Variants in PODNL1 observed in about 807,000 individuals in gnomAD.
The protein encoded by PODNL1 is podocan like 1.
In PODNL1, 50 loss-of-function variants were observed where a neutral mutation model predicts 45.1. The ratio of observed to expected loss-of-function variants is 1.11; its 90% CI spans 0.88 to 1.40. The LOEUF is 1.40. Among genes scored for constraint, PODNL1 ranks in the 40% most tolerant of loss-of-function variants. The pLI, the probability that PODNL1 is intolerant of heterozygous loss-of-function variation, is 0.00. For synonymous variants in PODNL1, 406 were observed against 372.5 expected (o/e 1.09, Z -1.04); for missense variants, 788 against 793.3 (o/e 0.99, Z 0.08).
chr19:13,938,637 T>A (rs990776637), upstream of PODNL1, among the ~76,000 whole-genome samples: 3 of 151,966 alleles, frequency 2.0e-5, no homozygotes, highest in African/African-American at 7.3e-5. Flanking sequence ...AGCGAGGGAT[T>A]AGGGAGGCCT....
In PODNL1 at chr19:13,937,838, G is replaced by A. The variant is rs1212956757; in HGVS notation, c.172C>T (p.Leu58Phe). ...VDTVDCDGLD[L>F]RVFPDNITRA... Reference sequence around the variant, plus strand: ...GTGATGTTGTCCGGGAACACTCGAAGGTCCAAGCCATCACAGTCCACAGTG... The same window carrying A: ...GTGATGTTGTCCGGGAACACTCGAAAGTCCAAGCCATCACAGTCCACAGTG... Residue 58 changes from leucine (L) to phenylalanine (F), a missense_variant, in exon 2 of 10, where the codon CTT becomes TTT. By Grantham distance (22) the Leu-to-Phe change is conservative. This residue lies in a region of PODNL1 where 762 missense variants were observed against 750.9 expected (regional missense o/e 1.01). Transcript: ENST00000588872. The A allele has an allele frequency of 1.3e-6, 2 of 1,596,804 alleles. No homozygotes were observed. Among genetic ancestry groups the A allele is most frequent in the Non-Finnish European group, 1.7e-6 (2 of 1,173,186 alleles).
At chr19:13,934,965 C>T (rs905255536) in intron 5 of PODNL1, among the ~76,000 whole-genome samples, 1 of 150,138 alleles carries the variant, frequency 6.7e-6, no homozygotes, top group African/African-American at 2.5e-5. Flanking sequence ...CATGTGTGTG[C>T]TTGTGTGTGC....
chr19:13,946,813 G>T (rs1231481347), intron 1 of PODNL1, among the ~76,000 whole-genome samples: 1 of 152,050 alleles, frequency 6.6e-6, no homozygotes, highest in Non-Finnish European at 1.5e-5. Context: ...AGCACTTTGG[G>T]AGGCCGAGGT....
Position 13,933,532 on chromosome 19 carries a change from G to A in PODNL1, c.768-77C>T. 1 of 1,405,032 alleles carries A rather than the reference G, an allele frequency of 7.1e-7. No individual in the cohort carries two copies. The highest frequency in any genetic ancestry group is 2.3e-5 in the East Asian group (1 of 43,058). The allele number at this position is 1,405,032 out of a possible 1,614,324, so 87.0% of individuals were successfully genotyped here. A position where few individuals can be genotyped will look rare whatever the true frequency, so the allele number is the denominator to read the frequency against. Reference sequence around the variant, plus strand: ...GACAGATTTTGGCGGGGAGGCTGGGGAGTGGTCCTGAGACAGATTTAAGCT... The same window carrying A: ...GACAGATTTTGGCGGGGAGGCTGGGAAGTGGTCCTGAGACAGATTTAAGCT... On this transcript the variant is annotated intron_variant, in intron 7 of 9. Coordinates refer to ENST00000588872, the MANE Select transcript of PODNL1 (RefSeq NM_001370095.3). The surrounding 1 kb of genome is among the most constrained non-coding windows in gnomAD (Gnocchi z 5.2).
chr19:13,946,442 A>AAT lies in PODNL1; in HGVS notation c.18+6676_18+6677insAT, dbSNP rs1972816971. On this transcript the variant is annotated intron_variant, in intron 1 of 7. Transcript: ENST00000538371. ...AAAACTCTGTCTTGGAAAAAAAAAA[A>AAT]AATTGAGTTTCTATCACTACTGCAT... Among the ~76,000 whole-genome samples, 5 of 151,732 alleles carry AAT rather than the reference A, an allele frequency of 3.3e-5. 1 individual carries two copies. The South Asian group carries it at 1.0e-3, about 32-fold the overall frequency.
intron 1 of PODNL1, among the ~76,000 whole-genome samples, chr19:13,945,793 G>T (rs1972796091): frequency 6.6e-6 from 1 of 151,582 alleles, no homozygotes; most frequent in South Asian, 2.1e-4. Context: ...TGTTGTAGAG[G>T]CAGGAGAATC....
intron 8 of PODNL1, 160 bp downstream of exon 8, chr19:13,932,638 G>C: frequency 6.5e-7 from 1 of 1,532,400 alleles, no homozygotes; most frequent in South Asian, 1.3e-5. Context: ...TTACAGGCAT[G>C]AGCCACCTCA....
chr19:13,938,340 G>A lies in PODNL1; in HGVS notation c.-159C>T. 2 of 1,425,258 alleles carry A rather than the reference G, an allele frequency of 1.4e-6. No homozygotes were observed. The highest frequency in any genetic ancestry group is 1.8e-6 in the Non-Finnish European group (2 of 1,087,760). 88.3% of individuals were successfully genotyped at this position (1,425,258 alleles called of 1,614,324 possible). On this transcript the variant is annotated 5_prime_UTR_variant, in exon 1 of 10. Transcript: ENST00000588872. ...ACAGCCTGTTCTCCCGGGGCTTTGG[G>A]GGAGCTGGCCCACCCCCTTCCCCGC...
Position 13,934,272 on chromosome 19 carries a change from G to A in PODNL1, c.633C>T (p.Leu211=), listed in dbSNP as rs753390515. 13 of 1,517,802 alleles carry A rather than the reference G, an allele frequency of 8.6e-6. No individual in the cohort carries two copies. The highest frequency in any genetic ancestry group is 1.1e-5 in the Non-Finnish European group (12 of 1,135,200). 94.0% of individuals were successfully genotyped at this position (1,517,802 alleles called of 1,614,324 possible). ...GGGCTACCTGCAGGTGGAGCCGCTCGAGTGAGGGCGGCAGGCTGGGCGGCA... is the reference window on the plus strand; with the variant it reads ...GGGCTACCTGCAGGTGGAGCCGCTCAAGTGAGGGCGGCAGGCTGGGCGGCA... ...SYLPPSLPPS[L]ERLHLQNNLI... The change falls in exon 6 of 10, where the codon CTC becomes CTT. Residue 211 remains leucine, a synonymous_variant. Coordinates refer to ENST00000588872, the MANE Select transcript of PODNL1 (RefSeq NM_001370095.3).
chr19:13,938,131 G>T lies in PODNL1; in HGVS notation c.3+48C>A, dbSNP rs549421426. 7.1e-6 allele frequency: 11 copies of T among 1,555,804 alleles called. No homozygotes were observed. The African/African-American group carries it at 1.4e-4, about 19-fold the overall frequency. On this transcript the variant is annotated intron_variant, in intron 1 of 9. Coordinates refer to ENST00000588872, the MANE Select transcript of PODNL1 (RefSeq NM_001370095.3). ...GTGGCCAGTTGGCAGAGCAGGGGTG[G>T]GGGGGCAGGCAGGCCCCACCCTCAG... is the stretch of plus-strand genomic sequence containing the variant.
At position 13,932,999 on chromosome 19, in the gene PODNL1, C is replaced by A; in HGVS notation, c.1224G>T (p.Leu408=). The A allele has an allele frequency of 6.5e-7, 1 of 1,545,384 alleles. No homozygotes were observed. Among genetic ancestry groups the A allele is most frequent in the Admixed American group, 1.9e-5 (1 of 51,676 alleles). The stretch of plus-strand genomic sequence containing the variant: ...GCAGCCGGGTTAGCTGATTCCCTGC[C>A]AGGTCGAGGCTGCGCAGGGCACGCA... ...RRLRALRSLD[L]AGNQLTRLPM... Residue 408 remains leucine (L), a synonymous_variant, in exon 8 of 10, where the codon CTG becomes CTT. Coordinates refer to ENST00000588872, the MANE Select transcript of PODNL1 (RefSeq NM_001370095.3).
intron 6 of PODNL1, 117 bp downstream of exon 6, chr19:13,934,137 C>A: frequency 7.3e-7 from 1 of 1,375,536 alleles, no homozygotes. Context: ...AAGGATAACT[C>A]TGACCACTGG....
intron 5 of PODNL1, 83 bp downstream of exon 5, chr19:13,935,638 C>A: frequency 8.9e-7 from 1 of 1,122,746 alleles, no homozygotes; most frequent in Non-Finnish European, 1.2e-6. Context: ...AGGGCAAGGT[C>A]TTAACTCCCT....
At chr19:13,952,934 C>CA in intron 1 of PODNL1, 4 of 875,278 alleles carry the variant, frequency 4.6e-6, no homozygotes, top group Non-Finnish European at 6.8e-6. Context: ...ACCCCAGAGG[C>CA]CGCAGGGAGA....
intron 1 of PODNL1, among the ~76,000 whole-genome samples, chr19:13,945,790 G>C (rs1972795984): frequency 6.6e-6 from 1 of 151,614 alleles, no homozygotes; most frequent in African/African-American, 2.4e-5. Context: ...TGGTGTTGTA[G>C]AGGCAGGAGA....
intron 1 of PODNL1, among the ~76,000 whole-genome samples, chr19:13,946,801 C>T (rs1175965390): frequency 6.6e-6 from 1 of 152,024 alleles, no homozygotes; most frequent in Non-Finnish European, 1.5e-5. Context: ...GCCTGTAATT[C>T]CAGCACTTTG....
chr19:13,932,562 G>T, intron 8 of PODNL1: 2 of 1,103,840 alleles, frequency 1.8e-6, no homozygotes, highest in Non-Finnish European at 1.3e-6. Flanking sequence ...TTGCTGTGTT[G>T]CCAGGCTGGT....
chr19:13,947,899 C>T (rs1400773265), intron 1 of PODNL1, among the ~76,000 whole-genome samples: 2 of 152,252 alleles, frequency 1.3e-5, no homozygotes, highest in Non-Finnish European at 2.9e-5. Context: ...CATTCTGTTG[C>T]CCAGGCTGAA....
At position 13,932,834 on chromosome 19, in the gene PODNL1, G is replaced by C. The variant is rs144506677; in HGVS notation, c.1389C>G (p.Ile463Met). The change falls in exon 8 of 10, where the codon ATC (isoleucine) becomes ATG (methionine). Residue 463 changes from isoleucine (I) to methionine (M), a missense_variant. Coordinates refer to ENST00000588872, the MANE Select transcript of PODNL1 (RefSeq NM_001370095.3). ...GGAGCTCATGCCAGGTGCCTGGCCC[G>C]ATGTCGCCGACCCGGAGCCGGTTGT... is the stretch of plus-strand genomic sequence containing the variant. ...LAHNRLRVGD[I>M]GPGTWHELQA... 5.9e-5 allele frequency: 95 copies of C among 1,612,708 alleles called. 3 individuals are homozygous for C. The South Asian group carries it at 9.1e-4, about 15-fold the overall frequency.
Sources: gnomAD v4.1 joint callset for allele counts (sites outside exome capture counted in the v4.1 genomes callset) on GRCh38, gnomAD v4.1.1 for gene constraint, gnomAD v4.1.1 regional missense constraint, Gnocchi (gnomAD v3.1) non-coding constraint, MANE v1.5 for transcripts, NCBI Gene and HGNC (gene_info 2026-07-23, HGNC 2026-07-21) for gene names.